The following AFAP1L1 variants were observed in gnomAD, a reference collection of about 807,000 sequenced individuals.
AFAP1L1 encodes the protein actin filament associated protein 1 like 1.
A neutral mutation model predicts 99.8 loss-of-function variants in AFAP1L1; 77 were observed. The observed-to-expected ratio is 0.77, with a 90% CI of 0.64 to 0.93. AFAP1L1 has a LOEUF of 0.93. AFAP1L1 is among the 40% of genes least tolerant of loss of function. AFAP1L1 has a pLI of 0.00. For missense variants in AFAP1L1, 893 were observed against 996.8 expected (o/e 0.90, Z 1.40); for synonymous variants, 373 against 395.3 (o/e 0.94, Z 0.67).
chr5:149,335,836 A>G (rs1355800883), intron 18 of AFAP1L1, 114 bp downstream of exon 18: 1 of 1,399,576 alleles, frequency 7.1e-7, no homozygotes, highest in Admixed American at 2.3e-5. Flanking sequence ...TTGCCAATGC[A>G]TTTATACAAT....
rs1212468948 is a variant in AFAP1L1 at position 149,317,741 on chromosome 5, T to C, written c.1280T>C (p.Val427Ala). ...EEVPCCGYLN[V>A]LVNQGWKERW... ...TTGTCTCCTCCAGGCTACCTGAACG[T>C]GCTGGTGAACCAGGGCTGGAAGGAA... Residue 427 changes from valine to alanine, a missense_variant, in exon 12 of 19, where the codon GTG becomes GCG. Val to Ala is a moderately conservative substitution (Grantham distance 64, BLOSUM62 0). Coordinates refer to ENST00000296721, the MANE Select transcript of AFAP1L1 (RefSeq NM_152406.4). 3.1e-6 allele frequency: 5 copies of C among 1,613,820 alleles called. No homozygotes were observed. Among genetic ancestry groups the C allele is most frequent in the Non-Finnish European group, 4.2e-6 (5 of 1,179,954 alleles).
At chr5:149,312,669 G>C (rs1756670838) in intron 9 of AFAP1L1, among the ~76,000 whole-genome samples, 1 of 151,304 alleles carries the variant, frequency 6.6e-6, no homozygotes, top group Non-Finnish European at 1.5e-5. Context: ...CATGCCTGTA[G>C]TCCTCACTAC....
At chr5:149,312,284 G>T (rs895073226) in intron 9 of AFAP1L1, 80 bp downstream of exon 9, 4 of 1,434,916 alleles carry the variant, frequency 2.8e-6, no homozygotes, top group Non-Finnish European at 3.9e-6. Context: ...GAACTAACTG[G>T]CTGGGGGGAA....
intron 12 of AFAP1L1, among the ~76,000 whole-genome samples, chr5:149,318,495 T>C (rs1327511127): frequency 6.6e-6 from 1 of 152,226 alleles, no homozygotes; most frequent in African/African-American, 2.4e-5. Flanking sequence ...TTGAAATCTT[T>C]AAGCTCCAGG....
rs970565903 is a variant in AFAP1L1 at position 149,341,097 on chromosome 5, T to G, written c.*1067T>G. 1.3e-5 allele frequency: 2 copies of G among 152,192 alleles called. No homozygotes were observed. Among genetic ancestry groups the G allele is most frequent in the Non-Finnish European group, 2.9e-5 (2 of 68,046 alleles). 9.4% of individuals were successfully genotyped at this position (152,192 alleles called of 1,614,324 possible). A position where few individuals can be genotyped will look rare whatever the true frequency, so the allele number is the denominator to read the frequency against. ...GTGCTACTCACTACTGTCTCAACAC[T>G]GTAGTGAGTCTGTCTTTAACACATT... On this transcript the variant is annotated 3_prime_UTR_variant, in exon 19 of 19. Coordinates refer to ENST00000296721, the MANE Select transcript of AFAP1L1 (RefSeq NM_152406.4).
chr5:149,272,660 G>A (rs1258736199), intron 1 of AFAP1L1, among the ~76,000 whole-genome samples: 3 of 152,206 alleles, frequency 2.0e-5, no homozygotes, highest in Non-Finnish European at 4.4e-5. Context: ...GACATAAGCC[G>A]AGAGGGCAGC....
intron 1 of AFAP1L1, among the ~76,000 whole-genome samples, chr5:149,288,809 A>T (rs1755761428): frequency 6.6e-6 from 1 of 152,162 alleles, no homozygotes; most frequent in Non-Finnish European, 1.5e-5. Context: ...CCCAGAGCTG[A>T]GAAACAAAAT....
At chr5:149,278,907 C>A (rs1333081558) in intron 1 of AFAP1L1, among the ~76,000 whole-genome samples, 1 of 152,192 alleles carries the variant, frequency 6.6e-6, no homozygotes, top group Non-Finnish European at 1.5e-5. Flanking sequence ...AGAACTAAAC[C>A]CCTCTATGAG....
intron 16 of AFAP1L1, among the ~76,000 whole-genome samples, chr5:149,331,030 A>C (rs867108853): frequency 2.0e-5 from 3 of 151,800 alleles, no homozygotes; most frequent in South Asian, 2.1e-4. Flanking sequence ...TTACTGGAAA[A>C]CCCTCCGGCA....
intron 15 of AFAP1L1, 73 bp from the exon 16 acceptor site, chr5:149,329,593 G>A: frequency 6.9e-7 from 1 of 1,442,922 alleles, no homozygotes; most frequent in East Asian, 2.4e-5. Flanking sequence ...GGCTGAAAGA[G>A]AAGCTGACAC....
intron 12 of AFAP1L1, among the ~76,000 whole-genome samples, chr5:149,318,466 A>G (rs1561679428): frequency 6.6e-6 from 1 of 152,208 alleles, no homozygotes; most frequent in South Asian, 2.1e-4. Context: ...AATTTTAGAA[A>G]GATTTTCCCC....
At chr5:149,299,780 C>G in intron 2 of AFAP1L1, 143 bp downstream of exon 2, 1 of 1,333,854 alleles carries the variant, frequency 7.5e-7, no homozygotes, top group Non-Finnish European at 1.0e-6. Context: ...AAGCCCTGGA[C>G]ACAGCGTCCA....
rs376857041 is a variant in AFAP1L1 at position 149,312,118 on chromosome 5, C to T, written c.934C>T (p.Arg312Ter). The T allele has an allele frequency of 4.7e-5, 76 of 1,613,302 alleles. No individual in the cohort carries two copies. Among genetic ancestry groups the T allele is most frequent in the Middle Eastern group, 1.7e-4 (1 of 5,722 alleles). Residue 312 changes from arginine (R) to a stop codon, truncating the protein, a stop_gained, in exon 9 of 19, where the codon CGA becomes TGA. Transcript: ENST00000296721. LOFTEE classifies it high-confidence loss of function. ...CTGTGTGTCCTCTTCACAGGTCATCCGAGAAGTGAGCAAGCCAGTTGGGGG... is the reference window on the plus strand; with the variant it reads ...CTGTGTGTCCTCTTCACAGGTCATCTGAGAAGTGAGCAAGCCAGTTGGGGG... ...EQAEEWLKVI[R>*]EVSKPVGGAE...
Position 149,301,152 on chromosome 5 carries a change from T to G in AFAP1L1, c.249T>G (p.Leu83=). Residue 83 remains leucine, a synonymous_variant, in exon 4 of 19, where the codon CTT becomes CTG. Coordinates refer to ENST00000296721, the MANE Select transcript of AFAP1L1 (RefSeq NM_152406.4). ...FEEFDCDLSD[L]RDMPEDDGEP... ...CTGTAGACTGTGACCTGAGTGACCT[T>G]CGGGACATGCCAGAGGATGATGGGG... 2 of 1,614,018 alleles carry G rather than the reference T, an allele frequency of 1.2e-6. No individual in the cohort carries two copies. Among genetic ancestry groups the G allele is most frequent in the Non-Finnish European group, 8.5e-7 (1 of 1,179,922 alleles).
chr5:149,292,174 A>G (rs762594107), intron 1 of AFAP1L1, among the ~76,000 whole-genome samples: 1 of 152,238 alleles, frequency 6.6e-6, no homozygotes, highest in Non-Finnish European at 1.5e-5. Flanking sequence ...GCCTAGTTTG[A>G]TAGGAGCCAA....
chr5:149,309,441 G>C (rs535635261), intron 7 of AFAP1L1, among the ~76,000 whole-genome samples: 1 of 152,010 alleles, frequency 6.6e-6, no homozygotes, highest in African/African-American at 2.4e-5. Flanking sequence ...GGGCTTTTGC[G>C]ATTGGGTTAT....
At position 149,342,373 on chromosome 5, in the gene AFAP1L1, TGCTGGTGGAGCCA is replaced by T. The variant is rs1255481308; in HGVS notation, c.*2346_*2358del. Among the ~76,000 whole-genome samples, 1 of 152,206 alleles carries T rather than the reference TGCTGGTGGAGCCA, an allele frequency of 6.6e-6. No homozygotes were observed. Among genetic ancestry groups the T allele is most frequent in the Non-Finnish European group, 1.5e-5 (1 of 68,040 alleles). ...AGCTCCCATAGTTCTTATATTTACA[TGCTGGTGGAGCCA>T]GCATGTGAATATAAGAAGTCTGACC... On this transcript the variant is annotated 3_prime_UTR_variant, in exon 19 of 19. Transcript: ENST00000296721.
chr5:149,325,111 G>T (rs903403615), intron 15 of AFAP1L1, among the ~76,000 whole-genome samples: 1 of 152,200 alleles, frequency 6.6e-6, no homozygotes, highest in Non-Finnish European at 1.5e-5. Flanking sequence ...AACAGCAGTA[G>T]CTGGTGAAAT....
rs377646091 is a variant in AFAP1L1, at chr5:149,319,573, G to A, written c.1480-9G>A. On this transcript the variant is annotated splice_polypyrimidine_tract_variant and intron_variant, in intron 12 of 18. Transcript: ENST00000296721. ...AAAATGAACTCCATCTTTGCCTCCTGTCCTTCAGGCAAGCTGTTCAGAGGA... is the reference window on the plus strand; with the variant it reads ...AAAATGAACTCCATCTTTGCCTCCTATCCTTCAGGCAAGCTGTTCAGAGGA... 2.5e-6 allele frequency: 4 copies of A among 1,592,856 alleles called. No individual in the cohort carries two copies. Among genetic ancestry groups the A allele is most frequent in the East Asian group, 2.2e-5 (1 of 44,536 alleles).
Sources: gnomAD v4.1 joint callset for allele counts (sites outside exome capture counted in the v4.1 genomes callset) on GRCh38, gnomAD v4.1.1 for gene constraint, MANE v1.5 for transcripts, NCBI Gene and HGNC (gene_info 2026-07-23, HGNC 2026-07-21) for gene names.